Variants in SNX9 observed in about 807,000 individuals in gnomAD.
SNX9 encodes the protein sorting nexin 9, also known as sorting nexin-9.
SNX9 carries 44 observed loss-of-function variants against 89.4 expected under a neutral mutation model. The observed-to-expected ratio is 0.49, with a 90% CI of 0.39 to 0.63. The LOEUF (loss-of-function observed/expected upper bound fraction) is 0.63. Ranked by LOEUF, SNX9 falls within the 30% of genes least tolerant of loss-of-function variation. The pLI is 0.00. For synonymous variants in SNX9, 236 were observed against 247.8 expected, an observed-to-expected ratio of 0.95 and a Z score of 0.45; for missense variants, 578 against 736.1, an observed-to-expected ratio of 0.79 and a Z score of 2.49.
At chr6:157,933,272 C>T (rs934899215) in intron 13 of SNX9, among the ~76,000 whole-genome samples, 1 of 152,036 alleles carries the variant, frequency 6.6e-6, no homozygotes, top group Non-Finnish European at 1.5e-5. Context: ...CCAATATGGG[C>T]AACAGAGTGA....
At chr6:157,833,190 A>G (rs754635252) in intron 1 of SNX9, among the ~76,000 whole-genome samples, 11 of 152,246 alleles carry the variant, frequency 7.2e-5, no homozygotes, top group Non-Finnish European at 1.6e-4. Context: ...TGCCTATTGC[A>G]TAGTGGCTGC....
chr6:157,885,507 G>A (rs977842832), intron 4 of SNX9: 4 of 152,222 alleles, frequency 2.6e-5, no homozygotes, highest in African/African-American at 9.6e-5. Context: ...GAGGAAAAGA[G>A]TTAAATTTTT....
intron 15 of SNX9, among the ~76,000 whole-genome samples, chr6:157,938,014 G>A (rs1783961203): frequency 1.3e-5 from 2 of 152,250 alleles, no homozygotes; most frequent in Admixed American, 6.5e-5. Context: ...CATCAGAGTT[G>A]TAGGCCTGGA....
intron 4 of SNX9, among the ~76,000 whole-genome samples, chr6:157,896,063 G>A (rs2115163756): frequency 6.6e-6 from 1 of 152,260 alleles, no homozygotes; most frequent in East Asian, 1.9e-4. Context: ...AAAACCAAGT[G>A]TTCTGTTAAT....
rs1781286620 is a variant in SNX9, at chr6:157,823,799, C to T, written c.12+353C>T. 6.6e-6 allele frequency among the ~76,000 whole-genome samples: 1 copy of T among 152,010 alleles called. No homozygotes were observed. The highest frequency in any genetic ancestry group is 1.5e-5 in the Non-Finnish European group (1 of 67,958). On this transcript the variant is annotated intron_variant, in intron 1 of 17. Transcript: ENST00000392185. This position sits in a 1 kb window ranked among gnomAD's most constrained non-coding sequence, Gnocchi z 4.6. Reference sequence around the variant, plus strand: ...AACTTCCCGCAGCCCGGGGAGGCCCCCGAGGCGACTGGCGCTCTGTGGCGT... The same window carrying T: ...AACTTCCCGCAGCCCGGGGAGGCCCTCGAGGCGACTGGCGCTCTGTGGCGT...
intron 5 of SNX9, 106 bp downstream of exon 5, chr6:157,897,104 A>C: frequency 8.8e-7 from 1 of 1,139,830 alleles, no homozygotes; most frequent in Non-Finnish European, 1.2e-6. Flanking sequence ...ACAACACAGA[A>C]CAGTTTTGTG....
At chr6:157,836,043 T>C (rs974787905) in intron 1 of SNX9, among the ~76,000 whole-genome samples, 1 of 152,176 alleles carries the variant, frequency 6.6e-6, no homozygotes, top group African/African-American at 2.4e-5. Context: ...GCAATCCTTC[T>C]GCCTCAGCCT....
intron 1 of SNX9, among the ~76,000 whole-genome samples, chr6:157,827,499 T>C (rs1273019711): frequency 1.1e-4 from 2 of 17,756 alleles, no homozygotes; most frequent in East Asian, 1.9e-3. Context: ...ACTTATAGTT[T>C]ATATAATATA....
intron 9 of SNX9, among the ~76,000 whole-genome samples, chr6:157,914,516 G>A (rs1469426620): frequency 8.8e-6 from 1 of 113,622 alleles, no homozygotes; most frequent in Non-Finnish European, 1.6e-5. Context: ...CACTGTCGTC[G>A]CCCAGGCTGG....
intron 5 of SNX9, 44 bp from the exon 6 acceptor site, chr6:157,901,854 C>CTT (rs11367433): frequency 3.4e-5 from 50 of 1,456,356 alleles, no homozygotes; most frequent in East Asian, 7.1e-5. Flanking sequence ...TTATTTTGGT[C>CTT]TTTTTTTTTT....
At chr6:157,832,452 A>C (rs949224865) in intron 1 of SNX9, among the ~76,000 whole-genome samples, 1 of 152,236 alleles carries the variant, frequency 6.6e-6, no homozygotes, top group African/African-American at 2.4e-5. Context: ...CTCCTGGCAC[A>C]GTTCCTCAAG....
intron 13 of SNX9, among the ~76,000 whole-genome samples, chr6:157,933,876 T>C (rs1284606777): frequency 6.6e-6 from 1 of 152,238 alleles, no homozygotes; most frequent in East Asian, 1.9e-4. Flanking sequence ...AATTAAATGT[T>C]CCATATTGCA....
intron 13 of SNX9, among the ~76,000 whole-genome samples, chr6:157,933,089 G>T (rs924850599): frequency 1.3e-5 from 2 of 151,860 alleles, no homozygotes; most frequent in East Asian, 3.9e-4. Flanking sequence ...AAAAGGGAAA[G>T]GAACCCAGGC....
rs544906615 is a variant in SNX9, at chr6:157,865,617, A to G, written c.13-1930A>G. On this transcript the variant is annotated intron_variant, in intron 1 of 17. Coordinates refer to ENST00000392185, the MANE Select transcript of SNX9 (RefSeq NM_016224.5). ...TAGGAGAAATTTCAGACATGGAGAA[A>G]GGTTGGAATTGAATACCATAGATCC... is the stretch of plus-strand genomic sequence containing the variant. Among the ~76,000 whole-genome samples, 4 of 152,346 alleles carry G rather than the reference A, an allele frequency of 2.6e-5. No individual in the cohort carries two copies. The South Asian group carries it at 8.3e-4, about 32-fold the overall frequency.
chr6:157,936,849 G>T (rs1292449599), intron 14 of SNX9, among the ~76,000 whole-genome samples: 1 of 152,118 alleles, frequency 6.6e-6, no homozygotes, highest in Non-Finnish European at 1.5e-5. Flanking sequence ...CCCTTAAGAA[G>T]AATCTAAGTT....
intron 1 of SNX9, among the ~76,000 whole-genome samples, chr6:157,848,666 C>T (rs1055125513): frequency 2.6e-5 from 4 of 152,128 alleles, no homozygotes; most frequent in African/African-American, 4.8e-5. Flanking sequence ...TGGCAGATGC[C>T]GTGCTACCTG....
At chr6:157,864,008 T>G (rs1459466695) in intron 1 of SNX9, among the ~76,000 whole-genome samples, 1 of 152,216 alleles carries the variant, frequency 6.6e-6, no homozygotes, top group Non-Finnish European at 1.5e-5. Context: ...ATAAACATTT[T>G]TCTGTGAATG....
chr6:157,868,865 G>A (rs1246878806), intron 2 of SNX9, among the ~76,000 whole-genome samples: 3 of 152,242 alleles, frequency 2.0e-5, no homozygotes, highest in Admixed American at 6.5e-5. Flanking sequence ...TCACCTGGCT[G>A]ATTTCGTGAC....
chr6:157,930,721 C>T (rs1216961059), intron 12 of SNX9, among the ~76,000 whole-genome samples: 2 of 152,158 alleles, frequency 1.3e-5, no homozygotes, highest in African/African-American at 2.4e-5. Context: ...TCCCCCCGAC[C>T]CACTGTCTAT....
Sources: gnomAD v4.1 joint callset for allele counts (sites outside exome capture counted in the v4.1 genomes callset) on GRCh38, gnomAD v4.1.1 for gene constraint, Gnocchi (gnomAD v3.1) non-coding constraint, MANE v1.5 for transcripts, NCBI Gene and HGNC (gene_info 2026-07-23, HGNC 2026-07-21) for gene names.